The following C1orf87 variants were observed in gnomAD, a reference collection of about 807,000 sequenced individuals.
C1orf87 encodes the protein chromosome 1 open reading frame 87.
A neutral mutation model predicts 60.5 loss-of-function variants in C1orf87; 58 were observed. That is an observed-to-expected ratio of 0.96 (90% confidence interval 0.78 to 1.19). The LOEUF is 1.19. C1orf87 is among the 50% of genes most tolerant of loss of function. The pLI is 0.00. For synonymous variants in C1orf87, 236 were observed against 227.4 expected (o/e 1.04, Z -0.34); for missense variants, 673 against 638.6 (o/e 1.05, Z -0.58).
intron 2 of C1orf87, among the ~76,000 whole-genome samples, chr1:60,062,307 C>A (rs1027807247): frequency 6.6e-6 from 1 of 152,102 alleles, no homozygotes; most frequent in African/African-American, 2.4e-5. Context: ...CCTATTGGGA[C>A]CCAGACACAA....
intron 8 of C1orf87, among the ~76,000 whole-genome samples, chr1:60,018,307 C>A (rs1165482856): frequency 6.6e-6 from 1 of 152,138 alleles, no homozygotes; most frequent in Non-Finnish European, 1.5e-5. Flanking sequence ...CTTATAAATG[C>A]AATTCTTTTT....
At chr1:59,992,025 A>G (rs1406635092) in intron 11 of C1orf87, among the ~76,000 whole-genome samples, 1 of 152,118 alleles carries the variant, frequency 6.6e-6, no homozygotes, top group Non-Finnish European at 1.5e-5. Flanking sequence ...ATAATTAAAC[A>G]ATATTTAAAT....
At chr1:59,996,635 C>A (rs1307660400) in intron 11 of C1orf87, among the ~76,000 whole-genome samples, 1 of 152,130 alleles carries the variant, frequency 6.6e-6, no homozygotes, top group Admixed American at 6.6e-5. Context: ...GCATTTGCAC[C>A]TTTGCCAGAA....
chr1:60,017,722 C>T (rs970737854), intron 8 of C1orf87, among the ~76,000 whole-genome samples: 1 of 152,148 alleles, frequency 6.6e-6, no homozygotes, highest in African/African-American at 2.4e-5. Flanking sequence ...CCAACAAAAC[C>T]TGAACTCATT....
intron 7 of C1orf87, among the ~76,000 whole-genome samples, chr1:60,028,828 CT>C (rs1174998432): frequency 2.6e-5 from 4 of 150,984 alleles, no homozygotes; most frequent in African/African-American, 9.7e-5. Flanking sequence ...TCCAAACTCT[CT>C]TTGTTTTTTG....
intron 7 of C1orf87, among the ~76,000 whole-genome samples, chr1:60,030,414 G>A (rs1229756337): frequency 1.3e-5 from 2 of 152,186 alleles, no homozygotes; most frequent in Non-Finnish European, 2.9e-5. Context: ...TTAAACACAT[G>A]TCCTAGCTAG....
intron 3 of C1orf87, among the ~76,000 whole-genome samples, chr1:60,053,180 C>CTA (rs1645426867): frequency 6.6e-6 from 1 of 152,144 alleles, no homozygotes; most frequent in African/African-American, 2.4e-5. Flanking sequence ...AAACAGATGT[C>CTA]TATATATAAG....
intron 9 of C1orf87, chr1:60,008,927 C>A: frequency 3.8e-6 from 1 of 262,602 alleles, no homozygotes; most frequent in South Asian, 3.5e-5. Context: ...GTGACACTAG[C>A]TACTAGATTC....
chr1:60,000,008 T>C (rs1175067653), intron 10 of C1orf87, among the ~76,000 whole-genome samples: 1 of 152,144 alleles, frequency 6.6e-6, no homozygotes, highest in African/African-American at 2.4e-5. Flanking sequence ...CTACTGGATG[T>C]TGTCTATGTC....
At chr1:60,005,330 T>C (rs528109106) in intron 9 of C1orf87, among the ~76,000 whole-genome samples, 2 of 152,200 alleles carry the variant, frequency 1.3e-5, no homozygotes, top group South Asian at 4.1e-4. Context: ...GTGCTTACTA[T>C]ATGCTGGGCA....
intron 11 of C1orf87, among the ~76,000 whole-genome samples, chr1:59,995,956 G>A: frequency 6.6e-6 from 1 of 152,070 alleles, no homozygotes; most frequent in East Asian, 1.9e-4. Flanking sequence ...CATCCTTTCT[G>A]GTTTTCCTCT....
chr1:60,055,251 G>A lies in C1orf87; in HGVS notation c.295C>T (p.Gln99Ter). 1 of 1,614,064 alleles carries A rather than the reference G, an allele frequency of 6.2e-7. No homozygotes were observed. Among genetic ancestry groups the A allele is most frequent in the Non-Finnish European group, 8.5e-7 (1 of 1,179,994 alleles). ...PENNQKSENN[Q>*]KLLTGANSSR... Reference sequence around the variant, plus strand: ...CTGTTTGCCCCTGTTAGTAGTTTCTGGTTGTTTTCTGATTTCTGGTTGTTC... The same window carrying A: ...CTGTTTGCCCCTGTTAGTAGTTTCTAGTTGTTTTCTGATTTCTGGTTGTTC... The change falls in exon 3 of 12, where the codon CAG (glutamine) becomes TAG (stop). Residue 99 changes from glutamine to a stop codon, truncating the protein, a stop_gained. Coordinates refer to ENST00000371201, the MANE Select transcript of C1orf87 (RefSeq NM_152377.3). LOFTEE classifies it high-confidence loss of function.
intron 2 of C1orf87, among the ~76,000 whole-genome samples, chr1:60,067,871 C>G (rs188237010): frequency 2.3e-3 from 351 of 152,048 alleles, no homozygotes; most frequent in Admixed American, 4.5e-3. Flanking sequence ...ACATTTAAGT[C>G]TTTAATCCAT....
At chr1:60,041,176 G>A (rs200914392) in intron 3 of C1orf87, 45 bp from the exon 4 acceptor site, 103 of 1,435,638 alleles carry the variant, frequency 7.2e-5, no homozygotes, top group Admixed American at 2.7e-4. Flanking sequence ...AGAAGAGGAG[G>A]TAGGGAAGAG....
intron 11 of C1orf87, among the ~76,000 whole-genome samples, chr1:59,996,966 T>C (rs937556675): frequency 1.3e-5 from 2 of 152,074 alleles, no homozygotes; most frequent in African/African-American, 4.8e-5. Context: ...TGTTAAAGAA[T>C]CCTAAGAAGC....
At chr1:60,004,675 A>G (rs1645030155) in intron 9 of C1orf87, among the ~76,000 whole-genome samples, 1 of 151,978 alleles carries the variant, frequency 6.6e-6, no homozygotes. Context: ...CCTGAGGCAG[A>G]GCTATTTTTT....
At chr1:60,052,242 C>T (rs945247464) in intron 3 of C1orf87, among the ~76,000 whole-genome samples, 6 of 152,218 alleles carry the variant, frequency 3.9e-5, no homozygotes, top group East Asian at 3.8e-4. Flanking sequence ...ATTTTTGAAA[C>T]TGTGCTACTG....
In C1orf87 at chr1:60,041,142, C is replaced by A. The variant is rs1645322136; in HGVS notation, c.343-11G>T. 1.9e-6 allele frequency: 3 copies of A among 1,545,588 alleles called. No homozygotes were observed. Among genetic ancestry groups the A allele is most frequent in the South Asian group, 2.4e-5 (2 of 82,636 alleles). On this transcript the variant is annotated splice_polypyrimidine_tract_variant and intron_variant, in intron 3 of 11. Coordinates refer to ENST00000371201, the MANE Select transcript of C1orf87 (RefSeq NM_152377.3). ...TGCTTGACTGGGAATCTTAACAGAA[C>A]AAGGACAAAGGGAAGCAAGGAGCAG...
chr1:60,070,461 A>G (rs1481997381), intron 2 of C1orf87, among the ~76,000 whole-genome samples: 2 of 152,192 alleles, frequency 1.3e-5, no homozygotes, highest in African/African-American at 4.8e-5. Flanking sequence ...TTATGAGTAT[A>G]AACACTTTTG....
Sources: allele counts gnomAD v4.1 joint callset (sites outside exome capture counted in the v4.1 genomes callset), GRCh38; gene constraint gnomAD v4.1.1; transcripts MANE v1.5; gene names NCBI Gene and HGNC (gene_info 2026-07-23, HGNC 2026-07-21).